AGTR1: variants seen among roughly 807,000 people sequenced by gnomAD.
AGTR1 encodes the protein angiotensin II receptor type 1.
AGTR1 carries 16 observed loss-of-function variants against 19.4 expected under a neutral mutation model. The observed-to-expected ratio is 0.82, with a 90% CI of 0.56 to 1.25. The LOEUF is 1.25. Ranked by LOEUF, AGTR1 falls within the 50% of genes most tolerant of loss-of-function variation. AGTR1 has a pLI of 0.00. For missense variants in AGTR1, 373 were observed against 431.9 expected (o/e 0.86, Z 1.21); for synonymous variants, 153 against 154.9 (o/e 0.99, Z 0.09).
intron 1 of AGTR1, among the ~76,000 whole-genome samples, chr3:148,698,844 G>A (rs548667199): frequency 1.3e-5 from 2 of 152,268 alleles, no homozygotes; most frequent in East Asian, 3.9e-4. Flanking sequence ...GGACTAAACA[G>A]AGCCTCTGGC....
chr3:148,740,068 G>C, intron 2 of AGTR1: 1 of 1,000,790 alleles, frequency 1.0e-6, no homozygotes, highest in Non-Finnish European at 1.3e-6. Flanking sequence ...TAGCTTGACT[G>C]TTGATTATGT....
intron 2 of AGTR1, among the ~76,000 whole-genome samples, chr3:148,729,525 G>A (rs1714136881): frequency 6.6e-6 from 1 of 152,202 alleles, no homozygotes. Flanking sequence ...TTTCAAATCT[G>A]ATGTGTGACA....
intron 2 of AGTR1, among the ~76,000 whole-genome samples, chr3:148,708,891 A>C (rs1055388476): frequency 6.6e-6 from 1 of 152,190 alleles, no homozygotes; most frequent in Admixed American, 6.5e-5. Flanking sequence ...CCATTTTATC[A>C]AAGTAGAGGA....
At chr3:148,705,441 C>CTTTT (rs59659888) in intron 1 of AGTR1, among the ~76,000 whole-genome samples, 1 of 151,708 alleles carries the variant, frequency 6.6e-6, no homozygotes, top group Non-Finnish European at 1.5e-5. Context: ...ATCTAACTCT[C>CTTTT]CCATTCAAAT....
chr3:148,740,087 A>T, intron 2 of AGTR1: 1 of 925,768 alleles, frequency 1.1e-6, no homozygotes. Context: ...GTAGAAAATC[A>T]GAGCAAATAT....
chr3:148,724,390 A>T (rs1713818468), intron 2 of AGTR1, among the ~76,000 whole-genome samples: 1 of 152,096 alleles, frequency 6.6e-6, no homozygotes, highest in Non-Finnish European at 1.5e-5. Flanking sequence ...ACTTACAAGG[A>T]CTCTCTTATG....
At position 148,700,156 on chromosome 3, in the gene AGTR1, TGTGA is replaced by T. The variant is rs12695869; in HGVS notation, c.-132+2032_-132+2035del. ...TCTTTCTAGTTTGGGATCAGAGTTG[TGTGA>T]GTATTTGTGTATATAATTTTGTTTT... On this transcript the variant is annotated intron_variant, in intron 1 of 2. Coordinates refer to ENST00000349243, the MANE Select transcript of AGTR1 (RefSeq NM_000685.5). Among the ~76,000 whole-genome samples, 681 of 152,238 alleles carry T rather than the reference TGTGA, an allele frequency of 4.5e-3. 7 individuals are homozygous for T. Among genetic ancestry groups the T allele is most frequent in the African/African-American group, 0.016 (653 of 41,532 alleles).
chr3:148,721,186 C>G lies in AGTR1; in HGVS notation c.-48+13159C>G, dbSNP rs561589564. ...AAAAAGTGGCTCAGGTTATCTTGCT[C>G]GGGAGAGAAAATGTTCATTCAGCTC... On this transcript the variant is annotated intron_variant, in intron 2 of 2. Coordinates refer to ENST00000349243, the MANE Select transcript of AGTR1 (RefSeq NM_000685.5). 1.2e-4 allele frequency among the ~76,000 whole-genome samples: 18 copies of G among 152,218 alleles called. No homozygotes were observed. In the South Asian group the frequency reaches 2.3e-3, roughly 19 times the overall value.
intron 2 of AGTR1, among the ~76,000 whole-genome samples, chr3:148,719,035 A>G (rs1477873059): frequency 2.0e-5 from 3 of 152,190 alleles, no homozygotes; most frequent in Non-Finnish European, 4.4e-5. Context: ...TTCATTTCTT[A>G]AAGTGTTGTG....
intron 2 of AGTR1, among the ~76,000 whole-genome samples, chr3:148,710,053 G>A (rs1712896118): frequency 6.6e-6 from 1 of 152,076 alleles, no homozygotes; most frequent in Non-Finnish European, 1.5e-5. Flanking sequence ...CCCATCTCAA[G>A]TGCTCAGTAG....
chr3:148,728,915 C>T (rs1225987505), intron 2 of AGTR1, among the ~76,000 whole-genome samples: 1 of 152,208 alleles, frequency 6.6e-6, no homozygotes, highest in Non-Finnish European at 1.5e-5. Context: ...TTTGAAATTT[C>T]TGCTGGCTCA....
At position 148,699,377 on chromosome 3, in the gene AGTR1, G is replaced by T. The variant is rs543952962; in HGVS notation, c.-132+1250G>T. ...AACCCCCTTATAAGTCTTCTCTAAG[G>T]AAGAAACTGCCATACTTCCCTTGTC... On this transcript the variant is annotated intron_variant, in intron 1 of 2. Coordinates refer to ENST00000349243, the MANE Select transcript of AGTR1 (RefSeq NM_000685.5). Among the ~76,000 whole-genome samples, 160 of 152,194 alleles carry T rather than the reference G, an allele frequency of 1.1e-3. 1 individual carries two copies. In the South Asian group the frequency reaches 0.032, roughly 31 times the overall value.
intron 1 of AGTR1, among the ~76,000 whole-genome samples, chr3:148,705,956 C>G (rs1346095725): frequency 6.6e-6 from 1 of 151,846 alleles, no homozygotes; most frequent in Non-Finnish European, 1.5e-5. Context: ...GCATGCATAT[C>G]TGTGGAGCCA....
chr3:148,730,374 G>A (rs963524842), intron 2 of AGTR1: 1 of 388,128 alleles, frequency 2.6e-6, no homozygotes, highest in African/African-American at 2.1e-5. Flanking sequence ...TATGAAGGTG[G>A]GTATTCCACC....
At chr3:148,703,651 T>C (rs111528068) in intron 1 of AGTR1, among the ~76,000 whole-genome samples, 2 of 152,184 alleles carry the variant, frequency 1.3e-5, no homozygotes, top group African/African-American at 4.8e-5. Flanking sequence ...ACCCAAAAGC[T>C]GTAACTGATA....
intron 1 of AGTR1, among the ~76,000 whole-genome samples, chr3:148,705,083 T>A (rs2107927517): frequency 6.6e-6 from 1 of 152,268 alleles, no homozygotes; most frequent in Non-Finnish European, 1.5e-5. Context: ...AAAAATAAAG[T>A]ACCAGTGATC....
At chr3:148,740,904 T>C in intron 2 of AGTR1, 85 bp from the exon 3 acceptor site, 4 of 1,280,138 alleles carry the variant, frequency 3.1e-6, no homozygotes, top group South Asian at 1.4e-5. Flanking sequence ...AGTTACTACG[T>C]TTATGACTGA....
At position 148,705,049 on chromosome 3, in the gene AGTR1, A is replaced by T. The variant is rs145140778; in HGVS notation, c.-131-2895A>T. 2.7e-3 allele frequency among the ~76,000 whole-genome samples: 407 copies of T among 152,322 alleles called. 1 individual carries two copies. The highest frequency in any genetic ancestry group is 2.0e-3 in the Non-Finnish European group (134 of 68,016). ...ACCCAAAAGATATCTTACACATAGC[A>T]GGCAGAGTTTCTTAGTACTAATAAA... On this transcript the variant is annotated intron_variant, in intron 1 of 2. Transcript: ENST00000349243.
chr3:148,721,357 GA>G (rs1451238581), intron 2 of AGTR1, among the ~76,000 whole-genome samples: 1 of 152,172 alleles, frequency 6.6e-6, no homozygotes, highest in Non-Finnish European at 1.5e-5. Context: ...AGAGGAGGAT[GA>G]AGCCGAGTAG....
Sources: gnomAD v4.1 joint callset for allele counts (sites outside exome capture counted in the v4.1 genomes callset) on GRCh38, gnomAD v4.1.1 for gene constraint, MANE v1.5 for transcripts, NCBI Gene and HGNC (gene_info 2026-07-23, HGNC 2026-07-21) for gene names.